The following NMU variants were observed in gnomAD, a reference collection of about 807,000 sequenced individuals.
The protein encoded by NMU is neuromedin-U.
NMU carries 29 observed loss-of-function variants against 35.4 expected under a neutral mutation model. The ratio of observed to expected loss-of-function variants is 0.82; its 90% CI spans 0.61 to 1.12. The LOEUF (loss-of-function observed/expected upper bound fraction) is 1.12, where lower values mean the gene tolerates loss of function less well. Among genes scored for constraint, NMU ranks in the 50% most tolerant of loss-of-function variants. The probability of loss-of-function intolerance (pLI) is 0.00; values close to 1 mark genes in which losing one functional copy is unlikely to be tolerated. For synonymous variants in NMU, 78 were observed against 81.3 expected (o/e 0.96, Z 0.22); for missense variants, 199 against 206.2 (o/e 0.97, Z 0.21).
Position 55,636,070 on chromosome 4 carries a change from G to C in NMU, c.112+11C>G. 6.5e-7 allele frequency: 1 copy of C among 1,531,200 alleles called. No homozygotes were observed. Among genetic ancestry groups the C allele is most frequent in the Non-Finnish European group, 8.7e-7 (1 of 1,145,374 alleles). The allele number at this position is 1,531,200 out of a possible 1,614,324, so 94.9% of individuals were successfully genotyped here. Reference sequence around the variant, plus strand: ...ATGGCGTGGAAGCGGCCGGGTGCGGGGCCGTCTTACCTCGGCAGGCGCCCG... The same window carrying C: ...ATGGCGTGGAAGCGGCCGGGTGCGGCGCCGTCTTACCTCGGCAGGCGCCCG... On this transcript the variant is annotated intron_variant, in intron 1 of 9. Coordinates refer to ENST00000264218, the MANE Select transcript of NMU (RefSeq NM_006681.4). The surrounding 1 kb of genome is among the most constrained non-coding windows in gnomAD (Gnocchi z 4.0).
At chr4:55,609,243 TA>T (rs1477512287) in intron 3 of NMU, 64 bp from the exon 4 acceptor site, 2 of 1,269,422 alleles carry the variant, frequency 1.6e-6, no homozygotes, top group African/African-American at 2.9e-5. Flanking sequence ...ATAGAAGAGG[TA>T]ACTACAAAAT....
intron 8 of NMU, 147 bp from the exon 9 acceptor site, chr4:55,599,328 A>T (rs569205820): frequency 4.6e-6 from 3 of 655,226 alleles, no homozygotes; most frequent in Non-Finnish European, 8.3e-6. Flanking sequence ...TGGACCCCAT[A>T]GCCAGAATTT....
At chr4:55,608,024 T>A (rs951891383) in intron 4 of NMU, among the ~76,000 whole-genome samples, 1 of 151,906 alleles carries the variant, frequency 6.6e-6, no homozygotes, top group African/African-American at 2.4e-5. Flanking sequence ...ATACAAAAAA[T>A]TAGCCAGGCC....
intron 7 of NMU, among the ~76,000 whole-genome samples, chr4:55,603,925 A>T (rs1560513330): frequency 1.1e-4 from 8 of 70,548 alleles, no homozygotes; most frequent in Non-Finnish European, 1.5e-4. Flanking sequence ...AAAAAAAAAA[A>T]AATATATATA....
chr4:55,631,739 A>G (rs982262091), intron 1 of NMU, among the ~76,000 whole-genome samples: 4 of 152,374 alleles, frequency 2.6e-5, no homozygotes, highest in Middle Eastern at 3.4e-3. Flanking sequence ...TACAACCACT[A>G]TGGAAAACAG....
At chr4:55,624,229 G>C (rs1217150236) in intron 2 of NMU, among the ~76,000 whole-genome samples, 1 of 99,750 alleles carries the variant, frequency 1.0e-5, no homozygotes, top group East Asian at 3.6e-4. Flanking sequence ...GAGTGAACAG[G>C]CAACCTACAA....
At chr4:55,632,717 T>C (rs1208703446) in intron 1 of NMU, among the ~76,000 whole-genome samples, 1 of 152,138 alleles carries the variant, frequency 6.6e-6, no homozygotes, top group Non-Finnish European at 1.5e-5. Flanking sequence ...GTTTAAATAA[T>C]GCTAATTTTT....
intron 2 of NMU, among the ~76,000 whole-genome samples, chr4:55,625,025 G>C (rs1355638627): frequency 1.2e-5 from 1 of 83,200 alleles, no homozygotes; most frequent in Non-Finnish European, 2.4e-5. Context: ...TGGTGGGGTG[G>C]GGGGAGGGGG....
chr4:55,619,223 CG>C (rs1293984295), intron 2 of NMU, among the ~76,000 whole-genome samples: 1 of 150,712 alleles, frequency 6.6e-6, no homozygotes, highest in Non-Finnish European at 1.5e-5. Context: ...ACGCAGAAGA[CG>C]GGTGATTTCT....
In NMU at chr4:55,605,300, C is replaced by T. The variant is rs147984230; in HGVS notation, c.410G>A (p.Arg137Lys). The change falls in exon 7 of 10, where the codon AGA (arginine) becomes AAA (lysine). Residue 137 changes from arginine (R) to lysine (K), a missense_variant. By Grantham distance (26) the Arg-to-Lys change is conservative (BLOSUM62 2). Coordinates refer to ENST00000264218, the MANE Select transcript of NMU (RefSeq NM_006681.4). ...LLQLVPHLHE[R>K]RMKRFRVDEE... Reference sequence around the variant, plus strand: ...GTCCACTCTGAATCTCTTCATTCTTCTCTCATGCAGGTGAGGAACGAGCTG... The same window carrying T: ...GTCCACTCTGAATCTCTTCATTCTTTTCTCATGCAGGTGAGGAACGAGCTG... 7 of 1,613,460 alleles carry T rather than the reference C, an allele frequency of 4.3e-6. No individual in the cohort carries two copies. The highest frequency in any genetic ancestry group is 5.1e-6 in the Non-Finnish European group (6 of 1,179,472).
intron 2 of NMU, among the ~76,000 whole-genome samples, chr4:55,626,667 C>G (rs1734542523): frequency 6.6e-6 from 1 of 152,110 alleles, no homozygotes; most frequent in Non-Finnish European, 1.5e-5. Flanking sequence ...GAGGTCATGC[C>G]ACTGTACTCC....
chr4:55,599,198 T>C lies in NMU; in HGVS notation c.490-17A>G. 6.3e-7 allele frequency: 1 copy of C among 1,593,326 alleles called. No homozygotes were observed. Among genetic ancestry groups the C allele is most frequent in the Non-Finnish European group, 8.6e-7 (1 of 1,161,350 alleles). ...ATTCCGTGGCTGAAAAATAATAGATTAGAAATAAATCAGTGTAACTAAAGA... is the reference window on the plus strand; with the variant it reads ...ATTCCGTGGCTGAAAAATAATAGATCAGAAATAAATCAGTGTAACTAAAGA... On this transcript the variant is annotated splice_polypyrimidine_tract_variant and intron_variant, in intron 8 of 9. Transcript: ENST00000264218.
In NMU at chr4:55,636,267, C is replaced by T; in HGVS notation, c.-75G>A. The T allele has an allele frequency of 7.1e-7, 1 of 1,402,880 alleles. No individual in the cohort carries two copies. The highest frequency in any genetic ancestry group is 9.2e-7 in the Non-Finnish European group (1 of 1,088,674). The allele number at this position is 1,402,880 out of a possible 1,614,324, so 86.9% of individuals were successfully genotyped here. On this transcript the variant is annotated 5_prime_UTR_variant, in exon 1 of 10. Coordinates refer to ENST00000264218, the MANE Select transcript of NMU (RefSeq NM_006681.4). This position sits in a 1 kb window ranked among gnomAD's most constrained non-coding sequence, Gnocchi z 4.0. The stretch of plus-strand genomic sequence containing the variant: ...CGTAGCTGGTGCTCCACCTGGTGCC[C>T]TGGCTGTGCCTCGGGGCCCGGACAC...
chr4:55,634,034 TTTTG>T (rs934635044), intron 1 of NMU, among the ~76,000 whole-genome samples: 17 of 152,320 alleles, frequency 1.1e-4, no homozygotes, highest in African/African-American at 3.6e-4. Context: ...TCTAATTGTT[TTTTG>T]TTTGTTTGTT....
Position 55,599,141 on chromosome 4 carries a change from C to A in NMU, c.*4+1G>T. On this transcript the variant is annotated splice_donor_variant, in intron 9 of 9. Transcript: ENST00000264218. LOFTEE classifies it low-confidence loss of function (3UTR_SPLICE). ...TATTTGTTTATTTATTTCTCACATA[C>A]CATTTTAAATGAACCCTGCTGACCT... The A allele has an allele frequency of 6.3e-7, 1 of 1,588,744 alleles. No homozygotes were observed. The highest frequency in any genetic ancestry group is 8.6e-7 in the Non-Finnish European group (1 of 1,157,558).
At chr4:55,629,457 A>G (rs1734671353) in intron 2 of NMU, among the ~76,000 whole-genome samples, 1 of 151,622 alleles carries the variant, frequency 6.6e-6, no homozygotes, top group Admixed American at 6.6e-5. Flanking sequence ...CGTCTCTACT[A>G]AAAATACAAA....
intron 1 of NMU, among the ~76,000 whole-genome samples, chr4:55,635,778 G>A (rs1240084270): frequency 6.6e-6 from 1 of 152,244 alleles, no homozygotes; most frequent in Non-Finnish European, 1.5e-5. Context: ...TGGAAATCCC[G>A]AGGATGAGGG....
At chr4:55,629,965 T>C (rs1429795616) in intron 2 of NMU, among the ~76,000 whole-genome samples, 1 of 152,156 alleles carries the variant, frequency 6.6e-6, no homozygotes, top group Admixed American at 6.5e-5. Flanking sequence ...TGATGGTTCA[T>C]TTGAATTCTA....
At chr4:55,625,623 C>A (rs947476171) in intron 2 of NMU, among the ~76,000 whole-genome samples, 2 of 152,134 alleles carry the variant, frequency 1.3e-5, no homozygotes, top group Admixed American at 6.6e-5. Context: ...TCATCATTAG[C>A]CTTGCTTTAC....
Sources: gnomAD v4.1 joint callset for allele counts (sites outside exome capture counted in the v4.1 genomes callset) on GRCh38, gnomAD v4.1.1 for gene constraint, Gnocchi (gnomAD v3.1) non-coding constraint, MANE v1.5 for transcripts, NCBI Gene and HGNC (gene_info 2026-07-23, HGNC 2026-07-21) for gene names.